The following ASAP1 variants were observed in gnomAD, a reference collection of about 807,000 sequenced individuals.
ASAP1 encodes the protein arf-GAP with SH3 domain, ANK repeat and PH domain-containing protein 1.
ASAP1 carries 43 observed loss-of-function variants against 145.2 expected under a neutral mutation model. The observed-to-expected ratio is 0.30, with a 90% CI of 0.23 to 0.38. The LOEUF (loss-of-function observed/expected upper bound fraction) is 0.38, where lower values mean the gene tolerates loss of function less well. Among genes scored for constraint, ASAP1 ranks in the 10% least tolerant of loss-of-function variants. The pLI is 1.00. For synonymous variants in ASAP1, 546 were observed against 515.5 expected (o/e 1.06, Z -0.80); for missense variants, 1,018 against 1,355.3 (o/e 0.75, Z 3.91).
chr8:130,410,672 G>A (rs544564723), intron 1 of ASAP1, among the ~76,000 whole-genome samples: 11 of 152,318 alleles, frequency 7.2e-5, no homozygotes, highest in African/African-American at 2.2e-4. Flanking sequence ...CACTCTCAGC[G>A]AGTATGCTGA....
intron 24 of ASAP1, among the ~76,000 whole-genome samples, chr8:130,109,488 A>G (rs1464563883): frequency 6.6e-6 from 1 of 152,112 alleles, no homozygotes; most frequent in East Asian, 1.9e-4. Flanking sequence ...GGAAGACTTA[A>G]TTTAGGGGTC....
Position 130,188,142 on chromosome 8 carries a change from A to G in ASAP1, c.447T>C (p.Ser149=). Residue 149 remains serine (S), a synonymous_variant, in exon 6 of 30, where the codon TCT becomes TCC. Coordinates refer to ENST00000518721, the MANE Select transcript of ASAP1 (RefSeq NM_018482.4). ...CTCCCTTTAGGTCTCCTTTTAACAAAGAATCCAAGGTGAAGATCACATTGT... is the reference window on the plus strand; with the variant it reads ...CTCCCTTTAGGTCTCCTTTTAACAAGGAATCCAAGGTGAAGATCACATTGT... ...LSHNVIFTLD[S]LLKGDLKGVK... 6.2e-7 allele frequency: 1 copy of G among 1,613,960 alleles called. No homozygotes were observed. Among genetic ancestry groups the G allele is most frequent in the East Asian group, 2.2e-5 (1 of 44,874 alleles).
chr8:130,077,532 TGCTGC>T (rs1275393240), intron 26 of ASAP1, among the ~76,000 whole-genome samples: 5 of 137,626 alleles, frequency 3.6e-5, no homozygotes, highest in Admixed American at 2.4e-4. Flanking sequence ...TTGCTGCTGC[TGCTGC>T]TTTTTTTTTT....
At chr8:130,436,029 C>A (rs1165682768) in intron 1 of ASAP1, among the ~76,000 whole-genome samples, 1 of 152,138 alleles carries the variant, frequency 6.6e-6, no homozygotes, top group Non-Finnish European at 1.5e-5. Flanking sequence ...AGCCCCCAAA[C>A]CAGAAGACAC....
intron 25 of ASAP1, chr8:130,083,649 T>C (rs2135354235): frequency 6.6e-6 from 1 of 152,334 alleles, no homozygotes; most frequent in Admixed American, 6.5e-5. Flanking sequence ...CGGGACACAG[T>C]GCTAGACCAC....
At chr8:130,068,018 G>A (rs2097434059) in intron 27 of ASAP1, among the ~76,000 whole-genome samples, 3 of 152,114 alleles carry the variant, frequency 2.0e-5, no homozygotes, top group Admixed American at 2.0e-4. Flanking sequence ...AAGGGTGGGG[G>A]ATCAGGAATC....
chr8:130,371,166 T>C (rs1827195862), intron 2 of ASAP1, among the ~76,000 whole-genome samples: 1 of 152,226 alleles, frequency 6.6e-6, no homozygotes, highest in Admixed American at 6.5e-5. Flanking sequence ...AATTTATTTA[T>C]GATTTTCTTT....
chr8:130,129,048 A>G (rs1456679916), intron 15 of ASAP1, among the ~76,000 whole-genome samples: 4 of 152,132 alleles, frequency 2.6e-5, no homozygotes, highest in Non-Finnish European at 4.4e-5. Context: ...TGCTGTTCTC[A>G]TGATAGTGAG....
chr8:130,152,888 A>T (rs1442017187), intron 12 of ASAP1, 83 bp from the exon 13 acceptor site: 1 of 1,076,012 alleles, frequency 9.3e-7, no homozygotes, highest in Admixed American at 2.6e-5. Flanking sequence ...ACATAATAAT[A>T]ATTACAAAAT....
chr8:130,353,884 G>A (rs1826146676), intron 3 of ASAP1, among the ~76,000 whole-genome samples: 1 of 151,980 alleles, frequency 6.6e-6, no homozygotes, highest in Non-Finnish European at 1.5e-5. Context: ...CGGAGAGAAG[G>A]GAGTGAGATT....
At chr8:130,177,817 T>C (rs1211123768) in intron 9 of ASAP1, among the ~76,000 whole-genome samples, 2 of 152,200 alleles carry the variant, frequency 1.3e-5, no homozygotes, top group African/African-American at 4.8e-5. Flanking sequence ...CCACTTAGAA[T>C]CATCACAGCT....
At chr8:130,213,705 T>G (rs1816720856) in intron 5 of ASAP1, among the ~76,000 whole-genome samples, 1 of 152,210 alleles carries the variant, frequency 6.6e-6, no homozygotes, top group African/African-American at 2.4e-5. Flanking sequence ...CTCATTGTAC[T>G]CCTTTCTCTG....
chr8:130,305,898 C>A (rs1365768982), intron 3 of ASAP1, among the ~76,000 whole-genome samples: 1 of 152,164 alleles, frequency 6.6e-6, no homozygotes, highest in East Asian at 1.9e-4. Flanking sequence ...CCAAGAACTT[C>A]ACATCACTAT....
chr8:130,107,547 T>C (rs2097539494), intron 24 of ASAP1, among the ~76,000 whole-genome samples: 2 of 119,006 alleles, frequency 1.7e-5, no homozygotes, highest in East Asian at 4.8e-4. Flanking sequence ...TGTATGTATG[T>C]ATGTATGTAT....
intron 3 of ASAP1, among the ~76,000 whole-genome samples, chr8:130,277,904 G>C (rs1821009808): frequency 6.6e-6 from 1 of 152,204 alleles, no homozygotes; most frequent in Non-Finnish European, 1.5e-5. Flanking sequence ...GAGATGTAGA[G>C]AGTGGCAGGG....
Position 130,358,730 on chromosome 8 carries a change from CCCCCGGCCCGG to C in ASAP1, c.60-598_60-588del, listed in dbSNP as rs1826528801. Among the ~76,000 whole-genome samples, 1 of 139,758 alleles carries C rather than the reference CCCCCGGCCCGG, an allele frequency of 7.2e-6. No individual in the cohort carries two copies. The highest frequency in any genetic ancestry group is 1.6e-5 in the Non-Finnish European group (1 of 63,408). 91.7% of individuals were successfully genotyped at this position (139,758 alleles called of 152,430 possible). A position where few individuals can be genotyped will look rare whatever the true frequency, so the allele number is the denominator to read the frequency against. The stretch of plus-strand genomic sequence containing the variant: ...CCGGTCCCTCCCCGCCCGCGCCCCG[CCCCCGGCCCGG>C]CCCCCGCCCCGCCCCGCCCCCGCTC... On this transcript the variant is annotated intron_variant, in intron 2 of 29. Coordinates refer to ENST00000518721, the MANE Select transcript of ASAP1 (RefSeq NM_018482.4). This position sits in a 1 kb window ranked among gnomAD's most constrained non-coding sequence, Gnocchi z 4.1.
chr8:130,371,850 A>G (rs149545807), intron 2 of ASAP1, among the ~76,000 whole-genome samples: 4 of 152,184 alleles, frequency 2.6e-5, no homozygotes, highest in Non-Finnish European at 4.4e-5. Context: ...TGCTAATGTT[A>G]TTTGGGTTTT....
At chr8:130,139,416 CT>C (rs1230173548) in intron 13 of ASAP1, among the ~76,000 whole-genome samples, 1 of 152,150 alleles carries the variant, frequency 6.6e-6, no homozygotes, top group African/African-American at 2.4e-5. Context: ...GAAGGACTGC[CT>C]TTGAAAAATT....
At chr8:130,265,165 G>C (rs1363994283) in intron 3 of ASAP1, among the ~76,000 whole-genome samples, 2 of 152,170 alleles carry the variant, frequency 1.3e-5, no homozygotes, top group East Asian at 1.9e-4. Context: ...AGAGCACCTA[G>C]AGCAGGCAGA....
Sources: allele counts gnomAD v4.1 joint callset (sites outside exome capture counted in the v4.1 genomes callset), GRCh38; gene constraint gnomAD v4.1.1; non-coding constraint Gnocchi (gnomAD v3.1); transcripts MANE v1.5; gene names NCBI Gene and HGNC (gene_info 2026-07-23, HGNC 2026-07-21).